The following CADPS2 variants were observed in gnomAD, a reference collection of about 807,000 sequenced individuals.
CADPS2 encodes the protein calcium dependent secretion activator 2.
CADPS2 carries 93 observed loss-of-function variants against 172.5 expected under a neutral mutation model. The ratio of observed to expected loss-of-function variants is 0.54; its 90% CI spans 0.46 to 0.64. The LOEUF (loss-of-function observed/expected upper bound fraction) is 0.64, where lower values mean the gene tolerates loss of function less well. CADPS2 is among the 30% of genes least tolerant of loss of function. CADPS2 has a pLI of 0.00. For missense variants in CADPS2, 1,420 were observed against 1,565.9 expected (o/e 0.91, Z 1.57); for synonymous variants, 546 against 555.2 (o/e 0.98, Z 0.23).
In CADPS2 at chr7:122,490,190, C is replaced by T. The variant is rs762955945; in HGVS notation, c.1743G>A (p.Trp581Ter). Residue 581 changes from tryptophan (W) to a stop codon, truncating the protein, a stop_gained, in exon 11 of 30, where the codon TGG becomes TGA. Transcript: ENST00000449022. LOFTEE classifies it high-confidence loss of function. ...ASDDEQDRIL[W>*]VQAMYRATGQ... is the part of the protein sequence containing the mutation. ...CTGTGGCCCTATACATGGCTTGAAC[C>T]CATAATATTCTGTCCTGTTCATCAT... 1 of 1,613,340 alleles carries T rather than the reference C, an allele frequency of 6.2e-7. No individual in the cohort carries two copies. Among genetic ancestry groups the T allele is most frequent in the Non-Finnish European group, 8.5e-7 (1 of 1,179,568 alleles).
At position 122,480,935 on chromosome 7, in the gene CADPS2, A is replaced by C. The variant is rs577355255; in HGVS notation, c.1853-75T>G. On this transcript the variant is annotated intron_variant, in intron 11 of 29. Coordinates refer to ENST00000449022, the MANE Select transcript of CADPS2 (RefSeq NM_017954.11). ...GAACTATATACTTATACAACTAGAC[A>C]TTTAATTTTTTATTTTCTCAATTTC... 4.5e-6 allele frequency: 5 copies of C among 1,111,980 alleles called. No homozygotes were observed. The African/African-American group carries it at 6.5e-5, about 14-fold the overall frequency. 68.9% of individuals were successfully genotyped at this position (1,111,980 alleles called of 1,614,324 possible).
intron 2 of CADPS2, among the ~76,000 whole-genome samples, chr7:122,719,335 CT>C (rs767824781): frequency 3.9e-5 from 6 of 152,132 alleles, no homozygotes; most frequent in Non-Finnish European, 2.9e-5. Flanking sequence ...CACAGCCTTC[CT>C]CCCTGCTCTG....
chr7:122,824,407 T>G (rs1252958001), intron 1 of CADPS2, among the ~76,000 whole-genome samples: 2 of 152,206 alleles, frequency 1.3e-5, no homozygotes, highest in East Asian at 1.9e-4. Context: ...TAAAAGTATT[T>G]GTTTTCTTGA....
At chr7:122,741,770 T>C (rs569593664) in intron 1 of CADPS2, among the ~76,000 whole-genome samples, 1 of 152,288 alleles carries the variant, frequency 6.6e-6, no homozygotes, top group African/African-American at 2.4e-5. Context: ...TTGGAACAAG[T>C]ATAAAAATTG....
At chr7:122,867,219 C>T (rs986809164) in intron 1 of CADPS2, among the ~76,000 whole-genome samples, 10 of 152,114 alleles carry the variant, frequency 6.6e-5, no homozygotes, top group Non-Finnish European at 1.5e-4. Context: ...GTATCTGTTG[C>T]TTAATCCATC....
At chr7:122,398,242 T>G (rs1275073140) in intron 20 of CADPS2, among the ~76,000 whole-genome samples, 1 of 152,144 alleles carries the variant, frequency 6.6e-6, no homozygotes, top group Non-Finnish European at 1.5e-5. Context: ...TATGATCCAA[T>G]TAATAACAAT....
Position 122,527,614 on chromosome 7 carries a change from G to T in CADPS2, c.1476-14299C>A, listed in dbSNP as rs1021702632. On this transcript the variant is annotated intron_variant, in intron 8 of 29. Coordinates refer to ENST00000449022, the MANE Select transcript of CADPS2 (RefSeq NM_017954.11). ...AGAGAGAGAGAGAGAGAGAGAGAGAGAGAGTGTGTGTGTGTGTGTGTGTGT... is the reference window on the plus strand; with the variant it reads ...AGAGAGAGAGAGAGAGAGAGAGAGATAGAGTGTGTGTGTGTGTGTGTGTGT... Among the ~76,000 whole-genome samples, 670 of 125,680 alleles carry T rather than the reference G, an allele frequency of 5.3e-3. 3 individuals are homozygous for T. Among genetic ancestry groups the T allele is most frequent in the African/African-American group, 0.022 (647 of 29,756 alleles). The allele number at this position is 125,680 out of a possible 152,430, so 82.5% of individuals were successfully genotyped here.
intron 8 of CADPS2, among the ~76,000 whole-genome samples, chr7:122,553,758 G>T (rs139988182): frequency 9.1e-4 from 138 of 152,208 alleles, no homozygotes; most frequent in African/African-American, 3.2e-3. Flanking sequence ...TATGTCTGTT[G>T]CTACTAACTC....
rs147974115 is a variant in CADPS2, at chr7:122,372,660, G to A, written c.3387+6708C>T. Among the ~76,000 whole-genome samples, 634 of 152,306 alleles carry A rather than the reference G, an allele frequency of 4.2e-3. 6 individuals carry two copies. The highest frequency in any genetic ancestry group is 0.014 in the African/African-American group (601 of 41,560). On this transcript the variant is annotated intron_variant, in intron 25 of 29. Transcript: ENST00000449022. ...ATATTGAAAGAAATATCTGGGATAC[G>A]AGAAATTCACTGTTATTTTCATCTA...
At chr7:122,763,039 G>A (rs953964805) in intron 1 of CADPS2, among the ~76,000 whole-genome samples, 2 of 151,778 alleles carry the variant, frequency 1.3e-5, no homozygotes, top group African/African-American at 4.8e-5. Flanking sequence ...CACACACACA[G>A]ATATGTTTCT....
intron 1 of CADPS2, among the ~76,000 whole-genome samples, chr7:122,872,681 G>A (rs530539611): frequency 1.3e-5 from 2 of 151,996 alleles, no homozygotes; most frequent in East Asian, 3.9e-4. Flanking sequence ...CCAAATTAAG[G>A]CTCTCATCTC....
At chr7:122,704,713 GC>G (rs1460179606) in intron 2 of CADPS2, among the ~76,000 whole-genome samples, 1 of 151,872 alleles carries the variant, frequency 6.6e-6, no homozygotes, top group Non-Finnish European at 1.5e-5. Context: ...CCTCTCTTCT[GC>G]CCTCGTCTTA....
chr7:122,816,978 C>A (rs1434684974), intron 1 of CADPS2, among the ~76,000 whole-genome samples: 2 of 150,838 alleles, frequency 1.3e-5, no homozygotes, highest in South Asian at 4.2e-4. Context: ...CACCTTGCGA[C>A]CCCCACTCCT....
chr7:122,572,426 T>C (rs2067394322), intron 7 of CADPS2, among the ~76,000 whole-genome samples: 1 of 152,118 alleles, frequency 6.6e-6, no homozygotes, highest in African/African-American at 2.4e-5. Context: ...ACTGAAGATG[T>C]GGTATTAAGG....
At position 122,813,491 on chromosome 7, in the gene CADPS2, T is replaced by C. The variant is rs1001815662; in HGVS notation, c.339+72508A>G. 3.9e-5 allele frequency among the ~76,000 whole-genome samples: 6 copies of C among 152,152 alleles called. 1 individual carries two copies. The highest frequency in any genetic ancestry group is 4.1e-4 in the South Asian group (2 of 4,834). On this transcript the variant is annotated intron_variant, in intron 1 of 29. Transcript: ENST00000449022. ...TTTATTACCATCAACGGAGTGTTTA[T>C]AGTTCTCTAGTCAAAAACCATTCAA... is the stretch of plus-strand genomic sequence containing the variant.
At chr7:122,534,192 T>C (rs931211728) in intron 8 of CADPS2, among the ~76,000 whole-genome samples, 27 of 152,156 alleles carry the variant, frequency 1.8e-4, no homozygotes, top group African/African-American at 6.3e-4. Flanking sequence ...ATTCTGATTT[T>C]TATCTAAACT....
rs1449025486 is a variant in CADPS2 at position 122,392,401 on chromosome 7, T to TTTA, written c.3008+794_3008+795insTAA. The stretch of plus-strand genomic sequence containing the variant: ...ATGCCTCAATACAGTTTTTTTTTTT[T>TTTA]AAATCATCACAAAAACATCTTTCAT... On this transcript the variant is annotated intron_variant, in intron 22 of 29. Transcript: ENST00000449022. Among the ~76,000 whole-genome samples the TTTA allele has an allele frequency of 9.8e-3, 1,485 of 151,548 alleles. 24 individuals are homozygous for TTTA. The highest frequency in any genetic ancestry group is 0.034 in the African/African-American group (1,417 of 41,236).
chr7:122,711,900 C>T (rs1249518865), intron 2 of CADPS2, among the ~76,000 whole-genome samples: 1 of 152,080 alleles, frequency 6.6e-6, no homozygotes, highest in Non-Finnish European at 1.5e-5. Context: ...ATCCACCTGC[C>T]TCAGCCTCTC....
intron 6 of CADPS2, among the ~76,000 whole-genome samples, chr7:122,586,698 A>C (rs1031418725): frequency 6.6e-6 from 1 of 151,976 alleles, no homozygotes. Flanking sequence ...CTCTGTTCTA[A>C]CATTTATTAC....
Sources: gnomAD v4.1 joint callset for allele counts (sites outside exome capture counted in the v4.1 genomes callset) on GRCh38, gnomAD v4.1.1 for gene constraint, MANE v1.5 for transcripts, NCBI Gene and HGNC (gene_info 2026-07-23, HGNC 2026-07-21) for gene names.